ADAMTSL3: variants seen among roughly 807,000 people sequenced by gnomAD.
ADAMTSL3 encodes the protein ADAMTS like 3.
A neutral mutation model predicts 201.7 loss-of-function variants in ADAMTSL3; 128 were observed. The ratio of observed to expected loss-of-function variants is 0.63; its 90% CI spans 0.55 to 0.73. The LOEUF is 0.73. ADAMTSL3 is among the 30% of genes least tolerant of loss of function. The probability of loss-of-function intolerance (pLI) is 0.00; values close to 1 mark genes in which losing one functional copy is unlikely to be tolerated. For missense variants in ADAMTSL3, 1,990 were observed against 2,119.6 expected (o/e 0.94, Z 1.20); for synonymous variants, 738 against 748.4 (o/e 0.99, Z 0.23).
At chr15:83,743,952 A>G (rs1409525672) in intron 3 of ADAMTSL3, among the ~76,000 whole-genome samples, 1 of 151,696 alleles carries the variant, frequency 6.6e-6, no homozygotes, top group Non-Finnish European at 1.5e-5. Context: ...TCAGGTTCAC[A>G]CCATTCTCCT....
chr15:83,884,705 T>A (rs1375427208), intron 9 of ADAMTSL3, among the ~76,000 whole-genome samples: 1 of 152,166 alleles, frequency 6.6e-6, no homozygotes, highest in African/African-American at 2.4e-5. Flanking sequence ...TTATTAAAAA[T>A]GTAAGAGTCT....
chr15:83,673,496 G>C (rs747419628), intron 2 of ADAMTSL3, among the ~76,000 whole-genome samples: 24 of 152,044 alleles, frequency 1.6e-4, no homozygotes, highest in Non-Finnish European at 2.6e-4. Context: ...TTTCTATGCT[G>C]TCTGCTGACC....
intron 19 of ADAMTSL3, among the ~76,000 whole-genome samples, chr15:83,956,058 C>T (rs2066856321): frequency 6.6e-6 from 1 of 152,098 alleles, no homozygotes; most frequent in African/African-American, 2.4e-5. Flanking sequence ...CACCTTAGCC[C>T]ATGGTGGTGA....
chr15:83,801,371 A>G (rs561811115), intron 4 of ADAMTSL3, among the ~76,000 whole-genome samples: 1 of 151,888 alleles, frequency 6.6e-6, no homozygotes, highest in Non-Finnish European at 1.5e-5. Context: ...TACCACCTCA[A>G]AAACACAAGC....
intron 3 of ADAMTSL3, among the ~76,000 whole-genome samples, chr15:83,750,097 C>A (rs1015529151): frequency 1.3e-5 from 2 of 152,122 alleles, no homozygotes; most frequent in Admixed American, 1.3e-4. Context: ...TATGGCCTTG[C>A]AAATCTTTGT....
intron 19 of ADAMTSL3, among the ~76,000 whole-genome samples, chr15:83,950,322 A>G (rs762478426): frequency 1.1e-4 from 17 of 151,926 alleles, no homozygotes; most frequent in Non-Finnish European, 2.1e-4. Flanking sequence ...CTGTAGATCT[A>G]TGGATTTATC....
intron 19 of ADAMTSL3, among the ~76,000 whole-genome samples, chr15:83,968,832 G>T (rs576129153): frequency 6.6e-6 from 1 of 152,286 alleles, no homozygotes; most frequent in South Asian, 2.1e-4. Flanking sequence ...CACAAAAAAG[G>T]ATGAGTTCAT....
chr15:83,907,286 C>A (rs889903702), intron 15 of ADAMTSL3, among the ~76,000 whole-genome samples: 2 of 152,058 alleles, frequency 1.3e-5, no homozygotes, highest in East Asian at 3.8e-4. Context: ...ACTATAATTT[C>A]ATTTTTTTAA....
chr15:83,872,392 C>T (rs1486486715), intron 9 of ADAMTSL3, among the ~76,000 whole-genome samples: 5 of 152,062 alleles, frequency 3.3e-5, no homozygotes, highest in Admixed American at 6.6e-5. Context: ...CCTCCACAGA[C>T]ATTTATGTTT....
intron 2 of ADAMTSL3, among the ~76,000 whole-genome samples, chr15:83,696,107 C>G (rs1277227129): frequency 1.3e-5 from 2 of 152,148 alleles, no homozygotes; most frequent in Admixed American, 6.5e-5. Context: ...TGGCGTTGAG[C>G]CTGGGGATTC....
intron 3 of ADAMTSL3, among the ~76,000 whole-genome samples, chr15:83,768,343 C>A (rs931840089): frequency 2.0e-5 from 3 of 152,132 alleles, no homozygotes; most frequent in African/African-American, 7.2e-5. Flanking sequence ...TTATGTGATG[C>A]TGTCTCCAGA....
intron 19 of ADAMTSL3, among the ~76,000 whole-genome samples, chr15:83,946,983 A>G (rs1010892222): frequency 6.6e-6 from 1 of 152,190 alleles, no homozygotes; most frequent in Non-Finnish European, 1.5e-5. Context: ...TGTGACACCA[A>G]AAGCCATTGG....
chr15:83,683,578 C>T (rs1029486658), intron 2 of ADAMTSL3, among the ~76,000 whole-genome samples: 1 of 152,160 alleles, frequency 6.6e-6, no homozygotes, highest in African/African-American at 2.4e-5. Flanking sequence ...GATCCTGGGA[C>T]ATAATGAAGA....
At chr15:84,016,597 T>A in intron 25 of ADAMTSL3, 98 bp downstream of exon 25, 1 of 1,027,284 alleles carries the variant, frequency 9.7e-7, no homozygotes, top group Middle Eastern at 2.1e-4. Flanking sequence ...CTTTGCAATA[T>A]GTAAAATTAT....
intron 17 of ADAMTSL3, among the ~76,000 whole-genome samples, chr15:83,924,345 CA>C (rs1335961714): frequency 1.3e-5 from 2 of 152,206 alleles, no homozygotes; most frequent in African/African-American, 4.8e-5. Context: ...CTGTTTCCTC[CA>C]GGGCACTTCT....
chr15:83,952,446 T>A (rs182901912), intron 19 of ADAMTSL3, among the ~76,000 whole-genome samples: 1 of 152,190 alleles, frequency 6.6e-6, no homozygotes, highest in South Asian at 2.1e-4. Context: ...GAATGGAATG[T>A]TCTGTATCTA....
intron 3 of ADAMTSL3, among the ~76,000 whole-genome samples, chr15:83,725,178 A>G (rs2062155355): frequency 6.6e-6 from 1 of 152,166 alleles, no homozygotes; most frequent in African/African-American, 2.4e-5. Flanking sequence ...CCAACAGTGT[A>G]TGAGGGTTCC....
At chr15:83,771,266 T>C (rs1043640405) in intron 3 of ADAMTSL3, among the ~76,000 whole-genome samples, 2 of 152,060 alleles carry the variant, frequency 1.3e-5, no homozygotes, top group Admixed American at 6.6e-5. Flanking sequence ...TTACTTCTTT[T>C]AGAGTTCTTT....
intron 10 of ADAMTSL3, among the ~76,000 whole-genome samples, chr15:83,887,281 A>G (rs2065413483): frequency 6.6e-6 from 1 of 152,196 alleles, no homozygotes; most frequent in Admixed American, 6.5e-5. Context: ...CTGCACTGTT[A>G]TTTACTAAAG....
Sources: gnomAD v4.1 joint callset for allele counts (sites outside exome capture counted in the v4.1 genomes callset) on GRCh38, gnomAD v4.1.1 for gene constraint, MANE v1.5 for transcripts, NCBI Gene and HGNC (gene_info 2026-07-23, HGNC 2026-07-21) for gene names.